RGS9: variants seen among roughly 807,000 people sequenced by gnomAD.
RGS9 encodes regulator of G-protein signalling 9.
A neutral mutation model predicts 102.0 loss-of-function variants in RGS9; 78 were observed. That is an observed-to-expected ratio of 0.76 (90% CI 0.64 to 0.92). The LOEUF is 0.92. Ranked by LOEUF, RGS9 falls within the 40% of genes least tolerant of loss-of-function variation. The pLI, the probability that RGS9 is intolerant of heterozygous loss-of-function variation, is 0.00. For missense variants in RGS9, 833 were observed against 866.1 expected, an observed-to-expected ratio of 0.96 and a Z score of 0.48; for synonymous variants, 353 against 318.6, an observed-to-expected ratio of 1.11 and a Z score of -1.15.
chr17:65,141,323 A>T (rs1910148901), intron 1 of RGS9, among the ~76,000 whole-genome samples: 1 of 152,128 alleles, frequency 6.6e-6, no homozygotes, highest in Admixed American at 6.5e-5. Context: ...TCCCCTCTGC[A>T]ATTACCAGAT....
At chr17:65,220,560 A>C (rs1341220945) in intron 17 of RGS9, among the ~76,000 whole-genome samples, 2 of 152,164 alleles carry the variant, frequency 1.3e-5, no homozygotes, top group African/African-American at 4.8e-5. Context: ...CTAACTTTGC[A>C]CATTTGCTTG....
chr17:65,197,016 G>A, intron 12 of RGS9, 110 bp from the exon 13 acceptor site: 1 of 733,226 alleles, frequency 1.4e-6, no homozygotes, highest in Non-Finnish European at 2.5e-6. Context: ...TTGGGAGGAG[G>A]AGGATTGAAT....
chr17:65,167,045 C>T (rs1911213000), intron 7 of RGS9, among the ~76,000 whole-genome samples: 1 of 151,978 alleles, frequency 6.6e-6, no homozygotes, highest in South Asian at 2.1e-4. Flanking sequence ...CAAGTGTGAG[C>T]GCGGGTCTCC....
chr17:65,204,235 G>T lies in RGS9; in HGVS notation c.1137G>T (p.Gly379=). The change falls in exon 15 of 19, where the codon GGG becomes GGT. Residue 379 remains glycine (G), a synonymous_variant. Coordinates refer to ENST00000262406, the MANE Select transcript of RGS9 (RefSeq NM_003835.4). ...DGKTMDITVK[G]LKHPHRYVLD... is the part of the protein sequence containing the mutation. ...AAACCATGGACATCACAGTGAAGGG[G>T]CTGAAGCACCCCCACCGCTATGTGC... is the stretch of plus-strand genomic sequence containing the variant. 1 of 1,613,526 alleles carries T rather than the reference G, an allele frequency of 6.2e-7. No homozygotes were observed. The highest frequency in any genetic ancestry group is 8.5e-7 in the Non-Finnish European group (1 of 1,180,042).
At chr17:65,200,995 T>C (rs1912811424) in intron 13 of RGS9, among the ~76,000 whole-genome samples, 2 of 152,192 alleles carry the variant, frequency 1.3e-5, no homozygotes, top group South Asian at 4.1e-4. Flanking sequence ...TACTGCATAA[T>C]GGTCTGCGCC....
chr17:65,207,468 G>A (rs1217077374), intron 15 of RGS9, among the ~76,000 whole-genome samples: 1 of 152,214 alleles, frequency 6.6e-6, no homozygotes, highest in Non-Finnish European at 1.5e-5. Context: ...ATGACCAGCT[G>A]TCTCACCTGT....
chr17:65,161,549 G>C (rs1203622644), intron 6 of RGS9, among the ~76,000 whole-genome samples: 1 of 151,962 alleles, frequency 6.6e-6, no homozygotes, highest in East Asian at 1.9e-4. Context: ...ATCGTGCCTG[G>C]CCCGAACTTC....
At chr17:65,138,935 C>T (rs1250443533) in intron 1 of RGS9, among the ~76,000 whole-genome samples, 2 of 149,910 alleles carry the variant, frequency 1.3e-5, no homozygotes, top group Middle Eastern at 3.6e-3. Context: ...CTCCTCCACC[C>T]CAGGCTTCCC....
chr17:65,155,750 G>A (rs1042933983), intron 2 of RGS9, among the ~76,000 whole-genome samples: 1 of 152,124 alleles, frequency 6.6e-6, no homozygotes, highest in Non-Finnish European at 1.5e-5. Context: ...CTCCCTAAGG[G>A]AACGAGTGCA....
intron 9 of RGS9, among the ~76,000 whole-genome samples, chr17:65,182,182 C>A (rs76280479): frequency 0.016 from 2,379 of 152,318 alleles, 76 homozygotes; most frequent in African/African-American, 0.054. Flanking sequence ...ATACTGTGCT[C>A]TGCAGAGGTG....
chr17:65,207,534 G>T (rs567696395), intron 15 of RGS9, among the ~76,000 whole-genome samples: 1 of 152,282 alleles, frequency 6.6e-6, no homozygotes, highest in South Asian at 2.1e-4. Context: ...GCAGTTCTGG[G>T]TCTAGTGTAC....
At chr17:65,225,547 A>C in intron 18 of RGS9, 61 bp downstream of exon 18, 1 of 1,597,784 alleles carries the variant, frequency 6.3e-7, no homozygotes, top group Non-Finnish European at 8.5e-7. Context: ...AGGCCTCTGC[A>C]TGTGAATATG....
intron 2 of RGS9, 109 bp downstream of exon 2, chr17:65,153,627 C>G: frequency 1.1e-6 from 1 of 874,546 alleles, no homozygotes; most frequent in South Asian, 1.3e-5. Flanking sequence ...TGCAGTGGCT[C>G]ACGCCTGTAA....
intron 17 of RGS9, among the ~76,000 whole-genome samples, chr17:65,216,344 A>G (rs1913521896): frequency 6.6e-6 from 1 of 152,122 alleles, no homozygotes; most frequent in Non-Finnish European, 1.5e-5. Context: ...TGGTTTTAGA[A>G]TTTTACTGTG....
chr17:65,186,162 TTTTATTTATTTATTTATTTATTTATTTA>T (rs60422854), intron 9 of RGS9, among the ~76,000 whole-genome samples: 1 of 137,968 alleles, frequency 7.2e-6, no homozygotes, highest in African/African-American at 2.8e-5. Context: ...TTGGTTTACA[TTTTATTTATTTATTTATTTATTTATTTA>T]TTTATTTATT....
At chr17:65,226,730 A>T (rs1905700987) in intron 18 of RGS9, among the ~76,000 whole-genome samples, 1 of 151,714 alleles carries the variant, frequency 6.6e-6, no homozygotes, top group African/African-American at 2.4e-5. Context: ...CTCCTGCCTC[A>T]GCCTCCCAGG....
intron 17 of RGS9, among the ~76,000 whole-genome samples, chr17:65,216,350 C>T (rs1299726092): frequency 6.6e-6 from 1 of 152,118 alleles, no homozygotes; most frequent in Non-Finnish European, 1.5e-5. Flanking sequence ...TAGAATTTTA[C>T]TGTGTCTGGT....
intron 9 of RGS9, chr17:65,188,815 A>G (rs1465617461): frequency 5.6e-6 from 1 of 178,816 alleles, no homozygotes; most frequent in Non-Finnish European, 1.2e-5. Flanking sequence ...GGGTTTTGTC[A>G]TGTTGCTCGG....
intron 7 of RGS9, among the ~76,000 whole-genome samples, chr17:65,164,264 G>A (rs1911091799): frequency 6.6e-6 from 1 of 152,202 alleles, no homozygotes. Context: ...AGAAGAAGCA[G>A]CACCATCTGG....
Sources: gnomAD v4.1 joint callset for allele counts (sites outside exome capture counted in the v4.1 genomes callset) on GRCh38, gnomAD v4.1.1 for gene constraint, MANE v1.5 for transcripts, NCBI Gene and HGNC (gene_info 2026-07-23, HGNC 2026-07-21) for gene names.